CDH17: variants seen among roughly 807,000 people sequenced by gnomAD.
CDH17 encodes cadherin 17.
A neutral mutation model predicts 86.3 loss-of-function variants in CDH17; 67 were observed. The observed-to-expected ratio is 0.78, with a 90% confidence interval of 0.64 to 0.95. The LOEUF is 0.95. CDH17 is among the 40% of genes least tolerant of loss of function. CDH17 has a pLI of 0.00. For synonymous variants in CDH17, 367 were observed against 366.4 expected (o/e 1.00, Z -0.02); for missense variants, 993 against 1,017.6 (o/e 0.98, Z 0.33).
intron 15 of CDH17, among the ~76,000 whole-genome samples, chr8:94,134,265 C>G (rs1488743235): frequency 2.0e-5 from 3 of 152,206 alleles, no homozygotes; most frequent in African/African-American, 7.2e-5. Context: ...TAGAATTCAG[C>G]TGTGAATCCA....
chr8:94,161,895 C>A (rs553228835), intron 11 of CDH17, among the ~76,000 whole-genome samples, 191 bp downstream of exon 11: 1 of 152,206 alleles, frequency 6.6e-6, no homozygotes, highest in East Asian at 1.9e-4. Context: ...TTCCCAGACA[C>A]CTGTAATAGT....
chr8:94,203,832 A>AG (rs1813970482), intron 1 of CDH17, among the ~76,000 whole-genome samples: 1 of 152,294 alleles, frequency 6.6e-6, no homozygotes, highest in Non-Finnish European at 1.5e-5. Context: ...AAGACAGGGA[A>AG]GAAGGAAGGA....
intron 1 of CDH17, among the ~76,000 whole-genome samples, chr8:94,216,031 C>G (rs1358055308): frequency 6.6e-6 from 1 of 152,188 alleles, no homozygotes; most frequent in Non-Finnish European, 1.5e-5. Flanking sequence ...CTGATAGTGT[C>G]TCAGCCCAGG....
In CDH17 at chr8:94,160,027, GTCCCTCACTGTC is replaced by G; in HGVS notation, c.1483_1494del (p.Asp495_Gly498del). 6.2e-7 allele frequency: 1 copy of G among 1,613,552 alleles called. No homozygotes were observed. Among genetic ancestry groups the G allele is most frequent in the South Asian group, 1.1e-5 (1 of 90,934 alleles). On this transcript the variant is annotated inframe_deletion, in exon 12 of 18. Transcript: ENST00000027335. ...TGGGGATCTGTGTCAACCCCCAGGC[GTCCCTCACTGTC>G]TCCCTTTATGATATGATACAGAATT...
chr8:94,208,581 C>T (rs1322144243), upstream of CDH17: 1 of 152,234 alleles, frequency 6.6e-6, no homozygotes. Flanking sequence ...GGAACACTCC[C>T]TCTTCCCTGC....
At chr8:94,184,222 T>TC in intron 3 of CDH17, among the ~76,000 whole-genome samples, 1 of 149,502 alleles carries the variant, frequency 6.7e-6, no homozygotes, top group African/African-American at 2.5e-5. Context: ...TGTGTGTGTT[T>TC]GTGTGTGTGT....
intron 7 of CDH17, 28 bp downstream of exon 7, chr8:94,173,769 C>A (rs1354604169): frequency 6.3e-7 from 1 of 1,578,796 alleles, no homozygotes; most frequent in African/African-American, 1.3e-5. Context: ...CTAGTTGGCT[C>A]TCAGTGTTAC....
chr8:94,154,551 C>A (rs928424046), intron 12 of CDH17, among the ~76,000 whole-genome samples: 1 of 152,050 alleles, frequency 6.6e-6, no homozygotes, highest in Non-Finnish European at 1.5e-5. Context: ...CCAGATGGAA[C>A]CAGGAATGAA....
rs149900246 is a variant in CDH17, at chr8:94,201,986, G to A, written c.-21+6497C>T. 1,066 of 225,116 alleles carry A rather than the reference G, an allele frequency of 4.7e-3. 11 individuals are homozygous for A. The highest frequency in any genetic ancestry group is 0.024 in the African/African-American group (1,014 of 42,542). 13.9% of individuals were successfully genotyped at this position (225,116 alleles called of 1,614,324 possible). A position where few individuals can be genotyped will look rare whatever the true frequency, so the allele number is the denominator to read the frequency against. ...AGATTGCAGGTAGCCCTGGAGCTGA[G>A]GAATAGCTTTGAGTTTTGGTAAAAT... On this transcript the variant is annotated intron_variant, in intron 1 of 17. Transcript: ENST00000027335.
At chr8:94,154,356 AATGT>A (rs1472407512) in intron 12 of CDH17, among the ~76,000 whole-genome samples, 5 of 152,192 alleles carry the variant, frequency 3.3e-5, no homozygotes, top group Non-Finnish European at 7.3e-5. Context: ...ATTCAACAGA[AATGT>A]ATTGATTCTC....
chr8:94,194,101 TTCTA>T (rs1676039002), intron 2 of CDH17, among the ~76,000 whole-genome samples: 1 of 152,198 alleles, frequency 6.6e-6, no homozygotes, highest in African/African-American at 2.4e-5. Context: ...ACTCCCCAGT[TTCTA>T]TCCAGCTCCG....
intron 2 of CDH17, among the ~76,000 whole-genome samples, chr8:94,189,908 A>G (rs1305208937): frequency 6.6e-6 from 1 of 152,260 alleles, no homozygotes; most frequent in African/African-American, 2.4e-5. Context: ...ACATTCATTT[A>G]GAAAAAAATA....
chr8:94,162,586 A>G (rs190470779), intron 10 of CDH17, among the ~76,000 whole-genome samples: 2 of 152,308 alleles, frequency 1.3e-5, no homozygotes, highest in East Asian at 3.9e-4. Context: ...TTCTCTGAAC[A>G]CATCCAACCT....
intron 14 of CDH17, among the ~76,000 whole-genome samples, chr8:94,148,344 C>A (rs1439501187): frequency 6.6e-6 from 1 of 151,976 alleles, no homozygotes; most frequent in Non-Finnish European, 1.5e-5. Context: ...AAGTTTGAGA[C>A]CAGGCTGGCC....
chr8:94,148,016 A>G (rs535779074), intron 14 of CDH17, among the ~76,000 whole-genome samples: 2 of 152,338 alleles, frequency 1.3e-5, no homozygotes, highest in South Asian at 4.1e-4. Flanking sequence ...TTCTGCTTCA[A>G]AAAGGATGAG....
chr8:94,199,070 T>TAA (rs1813848694), intron 1 of CDH17, among the ~76,000 whole-genome samples: 1 of 16,940 alleles, frequency 5.9e-5, no homozygotes, highest in East Asian at 5.6e-4. Context: ...TATATATATA[T>TAA]ATATATATAT....
intron 15 of CDH17, among the ~76,000 whole-genome samples, chr8:94,139,914 G>A (rs1409077760): frequency 6.6e-6 from 1 of 151,828 alleles, no homozygotes; most frequent in African/African-American, 2.4e-5. Context: ...AAAAAAAAAG[G>A]GGGGGTGGTG....
rs1343083145 is a variant in CDH17 at position 94,127,433 on chromosome 8, C to T, written c.*807G>A. 1 of 152,202 alleles carries T rather than the reference C, an allele frequency of 6.6e-6. No homozygotes were observed. The highest frequency in any genetic ancestry group is 6.5e-5 in the Admixed American group (1 of 15,276). The allele number at this position is 152,202 out of a possible 1,614,324, so 9.4% of individuals were successfully genotyped here. On this transcript the variant is annotated 3_prime_UTR_variant, in exon 18 of 18. Coordinates refer to ENST00000027335, the MANE Select transcript of CDH17 (RefSeq NM_004063.4). ...AAGTTGAAGAATTTCAGCCAAAGAG[C>T]AACATGTCACATTGATTAAAGATGG... is the stretch of plus-strand genomic sequence containing the variant.
intron 15 of CDH17, among the ~76,000 whole-genome samples, chr8:94,140,480 G>T (rs1176563294): frequency 6.6e-6 from 1 of 151,960 alleles, no homozygotes; most frequent in Non-Finnish European, 1.5e-5. Context: ...AGCTCTAAAT[G>T]CCTGTTTAAC....
Sources: allele counts gnomAD v4.1 joint callset (sites outside exome capture counted in the v4.1 genomes callset), GRCh38; gene constraint gnomAD v4.1.1; transcripts MANE v1.5; gene names NCBI Gene and HGNC (gene_info 2026-07-23, HGNC 2026-07-21).